The following ZNFX1 variants were observed in gnomAD, a reference collection of about 807,000 sequenced individuals.
The protein encoded by ZNFX1 is NFX1-type zinc finger-containing protein 1.
Under a neutral mutation model 179.8 loss-of-function variants are expected in ZNFX1, and 78 were observed. The ratio of observed to expected loss-of-function variants is 0.43; its 90% CI spans 0.36 to 0.52. The LOEUF (loss-of-function observed/expected upper bound fraction) is 0.52. ZNFX1 is among the 20% of genes least tolerant of loss of function. The probability of loss-of-function intolerance (pLI) is 0.00; values close to 1 mark genes in which losing one functional copy is unlikely to be tolerated. For missense variants in ZNFX1, 1,927 were observed against 2,386.6 expected (o/e 0.81, Z 4.01); for synonymous variants, 848 against 868.5 (o/e 0.98, Z 0.42).
intron 3 of ZNFX1, among the ~76,000 whole-genome samples, chr20:49,268,406 G>A (rs891584024): frequency 1.3e-5 from 2 of 152,106 alleles, no homozygotes; most frequent in East Asian, 3.9e-4. Flanking sequence ...ATGACAATGG[G>A]TTCCTATTGG....
intron 10 of ZNFX1, among the ~76,000 whole-genome samples, chr20:49,254,029 CTTT>C (rs11324394): frequency 6.9e-6 from 1 of 145,788 alleles, no homozygotes; most frequent in African/African-American, 2.5e-5. Context: ...TTTCTTTTTT[CTTT>C]TTTTTTTTTT....
At chr20:49,252,384 T>C (rs956714401) in intron 12 of ZNFX1, among the ~76,000 whole-genome samples, 1 of 149,516 alleles carries the variant, frequency 6.7e-6, no homozygotes, top group Non-Finnish European at 1.5e-5. Context: ...TCAGGTGATC[T>C]GCCCACCTTG....
At chr20:49,261,322 T>TGAA (rs1468635174) in intron 6 of ZNFX1, among the ~76,000 whole-genome samples, 1 of 152,022 alleles carries the variant, frequency 6.6e-6, no homozygotes, top group Non-Finnish European at 1.5e-5. Context: ...TGCGCATCAA[T>TGAA]GAAGGACTGG....
chr20:49,274,029 T>C (rs1981490957), intron 2 of ZNFX1, among the ~76,000 whole-genome samples: 1 of 152,226 alleles, frequency 6.6e-6, no homozygotes, highest in Non-Finnish European at 1.5e-5. Flanking sequence ...TTCAAACTTA[T>C]GGAAAAGCAG....
At chr20:49,263,303 A>T in intron 6 of ZNFX1, 31 bp downstream of exon 6, 2 of 1,608,854 alleles carry the variant, frequency 1.2e-6, no homozygotes, top group Non-Finnish European at 1.7e-6. Flanking sequence ...GAGGCCAGAG[A>T]CATATTTGTG....
In ZNFX1 at chr20:49,270,506, G is replaced by T. The variant is rs1218009781; in HGVS notation, c.1306C>A (p.Pro436Thr). ...IVYKVQFDTK[P>T]LKFVRWQNSK... Reference sequence around the variant, plus strand: ...TTCTGCCAGCGAACAAACTTCAGTGGTTTTGTGTCAAACTGCACCTTGTAG... The same window carrying T: ...TTCTGCCAGCGAACAAACTTCAGTGTTTTTGTGTCAAACTGCACCTTGTAG... Residue 436 changes from proline to threonine, a missense_variant, in exon 3 of 14, where the codon CCA becomes ACA. Physicochemically the swap from Pro to Thr is conservative, Grantham distance 38. Coordinates refer to ENST00000396105, the MANE Select transcript of ZNFX1 (RefSeq NM_021035.3). This position sits in a 1 kb window ranked among gnomAD's most constrained non-coding sequence, Gnocchi z 4.6. The T allele has an allele frequency of 8.7e-6, 14 of 1,614,114 alleles. No individual in the cohort carries two copies. Among genetic ancestry groups the T allele is most frequent in the African/African-American group, 1.3e-5 (1 of 74,920 alleles).
Position 49,247,809 on chromosome 20 carries a change from C to A in ZNFX1, c.5215G>T (p.Glu1739Ter). Reference protein sequence around the residue: ...RVRTRLEQVHEWLAKKRLSFT... With the variant: ...RVRTRLEQVH ...CTCAAGCGCTTCTTGGCCAGCCACTCATGGACCTGTTCTAGTCGAGTCCTC... is the reference window on the plus strand; with the variant it reads ...CTCAAGCGCTTCTTGGCCAGCCACTAATGGACCTGTTCTAGTCGAGTCCTC... Residue 1739 changes from glutamate to a stop codon, truncating the protein, a stop_gained, in exon 14 of 14, where the codon GAG becomes TAG. Transcript: ENST00000396105. LOFTEE classifies it high-confidence loss of function. The A allele has an allele frequency of 6.2e-7, 1 of 1,614,172 alleles. No individual in the cohort carries two copies. The highest frequency in any genetic ancestry group is 8.5e-7 in the Non-Finnish European group (1 of 1,180,036).
In ZNFX1 at chr20:49,247,471, A is replaced by G. The variant is rs758565832; in HGVS notation, c.5553T>C (p.Asn1851=). ...AATCGCCAATCACATAGATATGGCC[A>G]TTGCGGCACTTGAACCAGTGACCAC... is the stretch of plus-strand genomic sequence containing the variant. The part of the protein sequence containing the change: ...YPRGHWFKCR[N]GHIYVIGDCG... The change falls in exon 14 of 14, where the codon AAT becomes AAC. Residue 1851 remains asparagine, a synonymous_variant. Transcript: ENST00000396105. 1.2e-6 allele frequency: 2 copies of G among 1,614,054 alleles called. No homozygotes were observed. The highest frequency in any genetic ancestry group is 1.7e-6 in the Non-Finnish European group (2 of 1,180,034).
At position 49,264,700 on chromosome 20, in the gene ZNFX1, C is replaced by T. The variant is rs201628225; in HGVS notation, c.2151+16G>A. On this transcript the variant is annotated intron_variant, in intron 5 of 13. Transcript: ENST00000396105. ...CCCTCTTGAACTACCCCAGATATTT[C>T]AGAGCTGGGACTTACACTCATGTAG... 3,592 of 1,612,838 alleles carry T rather than the reference C, an allele frequency of 2.2e-3. 6 individuals carry two copies. Among genetic ancestry groups the T allele is most frequent in the Non-Finnish European group, 2.9e-3 (3,425 of 1,179,608 alleles).
rs762414724 is a variant in ZNFX1 at position 49,247,411 on chromosome 20, G to A, written c.5613C>T (p.Asp1871=). 2.4e-5 allele frequency: 38 copies of A among 1,614,160 alleles called. 1 individual carries two copies. The South Asian group carries it at 4.2e-4, about 18-fold the overall frequency. Residue 1871 remains aspartate, a synonymous_variant, in exon 14 of 14, where the codon GAC becomes GAT. Transcript: ENST00000396105. ...GGAMERGTCP[D]CKEVIGGTNH... is the part of the protein sequence containing the mutation. ...TTGTGCCACCAATCACTTCCTTACA[G>A]TCAGGACACGTGCCCCTCTCCATGG...
chr20:49,261,045 C>A (rs987030929), intron 6 of ZNFX1, among the ~76,000 whole-genome samples: 6 of 152,310 alleles, frequency 3.9e-5, no homozygotes, highest in Middle Eastern at 3.4e-3. Flanking sequence ...TGTGCCACTA[C>A]ACTCCGGCCT....
intron 5 of ZNFX1, 134 bp downstream of exon 5, chr20:49,264,582 G>T: frequency 9.1e-7 from 1 of 1,096,138 alleles, no homozygotes; most frequent in Non-Finnish European, 1.3e-6. Context: ...AGAATAGAAT[G>T]CTGAAAGGAA....
chr20:49,263,011 T>C (rs977565313), intron 6 of ZNFX1, among the ~76,000 whole-genome samples: 3 of 152,252 alleles, frequency 2.0e-5, no homozygotes, highest in African/African-American at 7.2e-5. Flanking sequence ...TTGCCTTTTT[T>C]GCAAATCAAT....
At position 49,248,979 on chromosome 20, in the gene ZNFX1, G is replaced by C. The variant is rs147794162; in HGVS notation, c.4045C>G (p.Pro1349Ala). The C allele has an allele frequency of 3.1e-6, 5 of 1,614,104 alleles. No homozygotes were observed. The African/African-American group carries it at 6.7e-5, about 22-fold the overall frequency. Reference protein sequence around the residue: ...QECQPCQVKVPKTIPRCGHEQ... With the variant: ...QECQPCQVKVAKTIPRCGHEQ... The stretch of plus-strand genomic sequence containing the variant: ...TGGCCGCACCGAGGAATGGTTTTGG[G>C]CACCTTCACCTGACAAGGCTGACAC... The change falls in exon 14 of 14, where the codon CCC becomes GCC. Residue 1349 changes from proline to alanine, a missense_variant. Transcript: ENST00000396105. This position sits in a 1 kb window ranked among gnomAD's most constrained non-coding sequence, Gnocchi z 4.6.
Position 49,271,600 on chromosome 20 carries a change from C to T in ZNFX1, c.212G>A (p.Arg71Lys), listed in dbSNP as rs769946271. ...TTGATGTGGGTTCCTGCCCATGGCC[C>T]TAAATCTCTCTTCCCTCTGCCAGTA... Reference protein sequence around the residue: ...AAYWQREERFRAMGRNPHQGR... With the variant: ...AAYWQREERFKAMGRNPHQGR... The change falls in exon 3 of 14, where the codon AGG (arginine) becomes AAG (lysine). Residue 71 changes from arginine (R) to lysine (K), a missense_variant. Arg to Lys is a conservative substitution (Grantham distance 26). Coordinates refer to ENST00000396105, the MANE Select transcript of ZNFX1 (RefSeq NM_021035.3). 17 of 1,614,006 alleles carry T rather than the reference C, an allele frequency of 1.1e-5. No homozygotes were observed. The highest frequency in any genetic ancestry group is 1.4e-5 in the Non-Finnish European group (16 of 1,180,042).
In ZNFX1 at chr20:49,251,541, A is replaced by C; in HGVS notation, c.3298T>G (p.Tyr1100Asp). ...DLENHPSVLK[Y>D]EKIKGVSSNL... ...GACAGACTCACCTTAATCTTCTCAT[A>C]CTTAAGAACAGATGGATGATTCTCC... Residue 1100 changes from tyrosine (Y) to aspartate (D), a missense_variant, in exon 13 of 14, where the codon TAT becomes GAT. Tyr to Asp is a radical substitution (Grantham distance 160). Transcript: ENST00000396105. 6.2e-7 allele frequency: 1 copy of C among 1,611,974 alleles called. No individual in the cohort carries two copies. Among genetic ancestry groups the C allele is most frequent in the South Asian group, 1.1e-5 (1 of 90,796 alleles).
At position 49,252,835 on chromosome 20, in the gene ZNFX1, G is replaced by A. The variant is rs377256728; in HGVS notation, c.3106-5C>T. 12 of 1,610,936 alleles carry A rather than the reference G, an allele frequency of 7.4e-6. 1 individual carries two copies. The African/African-American group carries it at 1.6e-4, about 22-fold the overall frequency. Reference sequence around the variant, plus strand: ...CACGTTGGCACTGGGGCGCAGCTGAGAAGAGAAACATGGCTGAGGATTCTC... The same window carrying A: ...CACGTTGGCACTGGGGCGCAGCTGAAAAGAGAAACATGGCTGAGGATTCTC... On this transcript the variant is annotated splice_region_variant and splice_polypyrimidine_tract_variant and intron_variant, in intron 11 of 13. Coordinates refer to ENST00000396105, the MANE Select transcript of ZNFX1 (RefSeq NM_021035.3).
rs375445128 is a variant in ZNFX1, at chr20:49,251,510, G to A, written c.3312+17C>T. 56 of 1,601,754 alleles carry A rather than the reference G, an allele frequency of 3.5e-5. No homozygotes were observed. In the African/African-American group the frequency reaches 3.9e-4, roughly 11 times the overall value. ...TTGCTGACACCATCCAAGAAAGATCGGGTAAGACAGACTCACCTTAATCTT... is the reference window on the plus strand; with the variant it reads ...TTGCTGACACCATCCAAGAAAGATCAGGTAAGACAGACTCACCTTAATCTT... On this transcript the variant is annotated intron_variant, in intron 13 of 13. Coordinates refer to ENST00000396105, the MANE Select transcript of ZNFX1 (RefSeq NM_021035.3).
chr20:49,250,945 G>A lies in ZNFX1; in HGVS notation c.3312+582C>T, dbSNP rs184087669. Among the ~76,000 whole-genome samples, 334 of 152,286 alleles carry A rather than the reference G, an allele frequency of 2.2e-3. 2 individuals carry two copies. Among genetic ancestry groups the A allele is most frequent in the African/African-American group, 7.6e-3 (317 of 41,552 alleles). On this transcript the variant is annotated intron_variant, in intron 13 of 13. Coordinates refer to ENST00000396105, the MANE Select transcript of ZNFX1 (RefSeq NM_021035.3). ...AGGATGGTCTTGATCCCTTGACCTT[G>A]TGATTCGCCCGCCTCGGCCTCACAA...
Sources: gnomAD v4.1 joint callset for allele counts (sites outside exome capture counted in the v4.1 genomes callset) on GRCh38, gnomAD v4.1.1 for gene constraint, Gnocchi (gnomAD v3.1) non-coding constraint, MANE v1.5 for transcripts, NCBI Gene and HGNC (gene_info 2026-07-23, HGNC 2026-07-21) for gene names.